Variants in HTR1F observed in about 807,000 individuals in gnomAD.
HTR1F encodes the protein 5-hydroxytryptamine receptor 1F, also known as 5-hydroxytryptamine (serotonin) receptor 1F, G protein-coupled.
Under a neutral mutation model 24.0 loss-of-function variants are expected in HTR1F, and 17 were observed. The ratio of observed to expected loss-of-function variants is 0.71; its 90% CI spans 0.48 to 1.06. The LOEUF (loss-of-function observed/expected upper bound fraction) is 1.06, where lower values mean the gene tolerates loss of function less well. Among genes scored for constraint, HTR1F ranks in the 50% least tolerant of loss-of-function variants. The pLI is 0.00. For synonymous variants in HTR1F, 186 were observed against 156.8 expected (o/e 1.19, Z -1.39); for missense variants, 391 against 427.8 (o/e 0.91, Z 0.76).
intron 2 of HTR1F, among the ~76,000 whole-genome samples, chr3:87,862,080 C>T (rs1007145365): frequency 5.3e-5 from 8 of 151,894 alleles, no homozygotes; most frequent in Non-Finnish European, 8.8e-5. Flanking sequence ...TATATTTAAC[C>T]ACATATTTAC....
chr3:87,920,276 A>G (rs1330916122), intron 2 of HTR1F, among the ~76,000 whole-genome samples: 1 of 151,822 alleles, frequency 6.6e-6, no homozygotes, highest in African/African-American at 2.4e-5. Flanking sequence ...GGTGAGGGAT[A>G]AAAGACTACG....
At chr3:87,815,872 C>T (rs1390748989) in intron 1 of HTR1F, among the ~76,000 whole-genome samples, 1 of 152,052 alleles carries the variant, frequency 6.6e-6, no homozygotes, top group Non-Finnish European at 1.5e-5. Flanking sequence ...TCCCTCTTTG[C>T]AGCATATCAG....
At chr3:87,967,447 CA>C (rs71131532) in intron 2 of HTR1F, among the ~76,000 whole-genome samples, 102,165 of 149,072 alleles carry the variant, frequency 0.69, 36,106 homozygotes, top group East Asian at 0.89. Flanking sequence ...GAAACTGTCT[CA>C]AAAAAAAAAA....
chr3:87,832,373 G>A (rs1450781678), intron 2 of HTR1F, among the ~76,000 whole-genome samples: 1 of 146,942 alleles, frequency 6.8e-6, no homozygotes, highest in African/African-American at 2.6e-5. Context: ...TGTCGCCCAG[G>A]CTGGAGTGCA....
chr3:87,800,572 C>T (rs1399167263), intron 1 of HTR1F, among the ~76,000 whole-genome samples: 2 of 152,160 alleles, frequency 1.3e-5, no homozygotes, highest in African/African-American at 4.8e-5. Context: ...TCTCTTCTCT[C>T]CAGTTAGGCT....
intron 2 of HTR1F, among the ~76,000 whole-genome samples, chr3:87,904,981 G>T (rs1254729181): frequency 2.0e-5 from 3 of 151,990 alleles, no homozygotes; most frequent in Non-Finnish European, 2.9e-5. Flanking sequence ...GATGAATTAT[G>T]TATTCTTCAA....
chr3:87,903,325 A>G (rs1222748301), intron 2 of HTR1F, among the ~76,000 whole-genome samples: 1 of 150,656 alleles, frequency 6.6e-6, no homozygotes, highest in Non-Finnish European at 1.5e-5. Context: ...AACTACCATC[A>G]GAGTGAACAG....
At chr3:87,920,050 T>TATATA (rs398071887) in intron 2 of HTR1F, among the ~76,000 whole-genome samples, 1 of 144,690 alleles carries the variant, frequency 6.9e-6, no homozygotes, top group African/African-American at 2.6e-5. Flanking sequence ...TATATATATA[T>TATATA]GATAGAATAC....
chr3:87,804,896 A>C (rs753322638), intron 1 of HTR1F, among the ~76,000 whole-genome samples: 4 of 152,022 alleles, frequency 2.6e-5, no homozygotes, highest in Non-Finnish European at 4.4e-5. Context: ...TATATCTTCT[A>C]ATTTTGATTA....
Position 87,991,447 on chromosome 3 carries a change from G to A in HTR1F, c.698G>A (p.Ser233Asn), listed in dbSNP as rs759114776. The A allele has an allele frequency of 6.2e-7, 1 of 1,614,034 alleles. No individual in the cohort carries two copies. The highest frequency in any genetic ancestry group is 1.1e-5 in the South Asian group (1 of 91,070). The change falls in exon 3 of 3, where the codon AGT (serine) becomes AAT (asparagine). Residue 233 changes from serine to asparagine, a missense_variant. Ser to Asn is a conservative substitution (Grantham distance 46). Transcript: ENST00000319595. ...GTGAATGGCCAAGTCCTTTTGGAGAGTGGTGAGAAAAGCACTAAATCAGTT... is the reference window on the plus strand; with the variant it reads ...GTGAATGGCCAAGTCCTTTTGGAGAATGGTGAGAAAAGCACTAAATCAGTT... ...EEVNGQVLLE[S>N]GEKSTKSVST...
intron 2 of HTR1F, among the ~76,000 whole-genome samples, chr3:87,946,487 T>TA (rs1704708371): frequency 6.6e-6 from 1 of 151,776 alleles, no homozygotes; most frequent in South Asian, 2.1e-4. Context: ...TTTATAAGAA[T>TA]AAAACAAATA....
chr3:87,914,255 A>G (rs1703842107), intron 2 of HTR1F, among the ~76,000 whole-genome samples: 1 of 152,082 alleles, frequency 6.6e-6, no homozygotes, highest in Non-Finnish European at 1.5e-5. Context: ...GACCTTCAGG[A>G]GGGAGGCCAG....
At chr3:87,955,706 G>C (rs1704928574) in intron 2 of HTR1F, among the ~76,000 whole-genome samples, 1 of 151,346 alleles carries the variant, frequency 6.6e-6, no homozygotes, top group Non-Finnish European at 1.5e-5. Flanking sequence ...ACCAATGTAG[G>C]TATTTTTCAT....
intron 2 of HTR1F, among the ~76,000 whole-genome samples, chr3:87,904,466 AAAC>A (rs1703613272): frequency 6.6e-6 from 1 of 152,158 alleles, no homozygotes; most frequent in African/African-American, 2.4e-5. Flanking sequence ...CAAAAACTGA[AAAC>A]AACCGAAGTG....
In HTR1F at chr3:87,937,654, T is replaced by C. The variant is rs113819740; in HGVS notation, c.-42-53054T>C. Among the ~76,000 whole-genome samples the C allele has an allele frequency of 4.5e-3, 687 of 152,242 alleles. 1 individual carries two copies. Among genetic ancestry groups the C allele is most frequent in the African/African-American group, 0.016 (664 of 41,542 alleles). ...AAGAAAGAAATAGGGCCAGGCGCAG[T>C]GGCTCACGCCTGTAATCCCAGCACT... On this transcript the variant is annotated intron_variant, in intron 2 of 2. Coordinates refer to ENST00000319595, the MANE Select transcript of HTR1F (RefSeq NM_001322209.2).
Position 87,821,401 on chromosome 3 carries a change from T to G in HTR1F, c.-159-607T>G, listed in dbSNP as rs1704357246. ...CTTCTCATGAGAAACTGAGCCTATC[T>G]TATACATCCAGTCTTCACCTTATGA... On this transcript the variant is annotated intron_variant, in intron 1 of 2. Transcript: ENST00000319595. 2.0e-5 allele frequency among the ~76,000 whole-genome samples: 3 copies of G among 152,172 alleles called. No homozygotes were observed. The South Asian group carries it at 6.2e-4, about 32-fold the overall frequency.
At chr3:87,817,380 T>A (rs1417643769) in intron 1 of HTR1F, among the ~76,000 whole-genome samples, 1 of 152,154 alleles carries the variant, frequency 6.6e-6, no homozygotes, top group African/African-American at 2.4e-5. Context: ...GTCAATACCA[T>A]GCATCTTTGA....
In HTR1F at chr3:87,897,668, T is replaced by C. The variant is rs112457418; in HGVS notation, c.-43+75544T>C. On this transcript the variant is annotated intron_variant, in intron 2 of 2. Coordinates refer to ENST00000319595, the MANE Select transcript of HTR1F (RefSeq NM_001322209.2). ...CCCATTTCTCCAGCCTAAATTCTTA[T>C]GACCTCCCTCTTTCCTGCCTCTCCT... Among the ~76,000 whole-genome samples, 43 of 152,232 alleles carry C rather than the reference T, an allele frequency of 2.8e-4. 2 individuals carry two copies. The highest frequency in any genetic ancestry group is 1.0e-3 in the African/African-American group (42 of 41,560).
At chr3:87,931,585 A>C (rs1335418293) in intron 2 of HTR1F, among the ~76,000 whole-genome samples, 1 of 152,130 alleles carries the variant, frequency 6.6e-6, no homozygotes, top group Non-Finnish European at 1.5e-5. Context: ...GGCTGGATCA[A>C]ATGGTATATC....
Sources: gnomAD v4.1 joint callset for allele counts (sites outside exome capture counted in the v4.1 genomes callset) on GRCh38, gnomAD v4.1.1 for gene constraint, MANE v1.5 for transcripts, NCBI Gene and HGNC (gene_info 2026-07-23, HGNC 2026-07-21) for gene names.